The following FYB1 variants were observed in gnomAD, a reference collection of about 807,000 sequenced individuals.
The protein encoded by FYB1 is FYN-binding protein 1.
FYB1 carries 41 observed loss-of-function variants against 94.1 expected under a neutral mutation model. That is an observed-to-expected ratio of 0.44 (90% confidence interval 0.34 to 0.57). FYB1 has a LOEUF of 0.57. FYB1 is among the 20% of genes least tolerant of loss of function. FYB1 has a pLI of 0.02. For synonymous variants in FYB1, 367 were observed against 353.2 expected (o/e 1.04, Z -0.44); for missense variants, 1,050 against 976.8 (o/e 1.07, Z -1.00).
chr5:39,106,825 T>C lies in FYB1; in HGVS notation c.*618A>G, dbSNP rs1760404726. 1 of 152,100 alleles carries C rather than the reference T, an allele frequency of 6.6e-6. No homozygotes were observed. The highest frequency in any genetic ancestry group is 6.5e-5 in the Admixed American group (1 of 15,268). 9.4% of individuals were successfully genotyped at this position (152,100 alleles called of 1,614,324 possible). ...GCATACTAAATGCATAACATTCGTA[T>C]CAAATAATTAACATTTATATACAAT... is the stretch of plus-strand genomic sequence containing the variant. On this transcript the variant is annotated 3_prime_UTR_variant, in exon 19 of 19. Transcript: ENST00000512982.
intron 1 of FYB1, among the ~76,000 whole-genome samples, chr5:39,249,560 A>G (rs893869812): frequency 6.6e-6 from 1 of 150,900 alleles, no homozygotes; most frequent in Non-Finnish European, 1.5e-5. Context: ...CCATTCTAGT[A>G]GCAGAGAGGG....
intron 1 of FYB1, among the ~76,000 whole-genome samples, chr5:39,252,310 A>G (rs1751752977): frequency 6.6e-6 from 1 of 152,328 alleles, no homozygotes; most frequent in East Asian, 1.9e-4. Flanking sequence ...ATGTGAGCTA[A>G]TGTTTATGAA....
chr5:39,228,105 G>A (rs374131383), intron 1 of FYB1, among the ~76,000 whole-genome samples: 1 of 152,086 alleles, frequency 6.6e-6, no homozygotes, highest in Non-Finnish European at 1.5e-5. Context: ...TTTAACAAGA[G>A]CAATAATATT....
intron 7 of FYB1, among the ~76,000 whole-genome samples, chr5:39,136,062 T>C (rs774916867): frequency 1.1e-4 from 17 of 152,004 alleles, no homozygotes; most frequent in Non-Finnish European, 2.5e-4. Context: ...GAAAGTATAC[T>C]ATATAGATTT....
intron 16 of FYB1, among the ~76,000 whole-genome samples, chr5:39,112,591 G>A (rs927644312): frequency 6.6e-6 from 1 of 151,962 alleles, no homozygotes; most frequent in African/African-American, 2.4e-5. Context: ...ATTTGCTTAC[G>A]CTTTTAGGTA....
intron 16 of FYB1, among the ~76,000 whole-genome samples, chr5:39,112,444 A>G: frequency 6.6e-6 from 1 of 152,086 alleles, no homozygotes; most frequent in African/African-American, 2.4e-5. Context: ...ACAGTCTCTG[A>G]GCTAAAATTG....
Position 39,202,065 on chromosome 5 carries a change from A to C in FYB1, c.896T>G (p.Ile299Arg). 1.2e-6 allele frequency: 2 copies of C among 1,613,870 alleles called. No homozygotes were observed. Among genetic ancestry groups the C allele is most frequent in the Middle Eastern group, 3.3e-4 (2 of 6,062 alleles). Reference protein sequence around the residue: ...DAAKNTFQSKINQEELASGTP... With the variant: ...DAAKNTFQSKRNQEELASGTP... ...CCCTGAGGCCAACTCTTCCTGATTT[A>C]TTTTGCTCTGGAAGGTGTTCTTAGC... The change falls in exon 2 of 19, where the codon ATA (isoleucine) becomes AGA (arginine). Residue 299 changes from isoleucine (I) to arginine (R), a missense_variant. Ile to Arg is a moderately conservative substitution (Grantham distance 97). Transcript: ENST00000512982.
At chr5:39,169,596 G>A (rs1745060168) in intron 2 of FYB1, 2 of 466,774 alleles carry the variant, frequency 4.3e-6, no homozygotes, top group African/African-American at 2.0e-5. Context: ...TGTAATCCCA[G>A]CACTTTGGGA....
At chr5:39,263,843 G>A (rs768825869) in intron 1 of FYB1, among the ~76,000 whole-genome samples, 12 of 152,154 alleles carry the variant, frequency 7.9e-5, no homozygotes, top group Non-Finnish European at 1.2e-4. Flanking sequence ...GAGGATGCAC[G>A]TCACTTCAGA....
chr5:39,141,103 T>C lies in FYB1; in HGVS notation c.1331A>G (p.His444Arg). The C allele has an allele frequency of 1.3e-6, 2 of 1,588,144 alleles. No homozygotes were observed. The highest frequency in any genetic ancestry group is 1.7e-6 in the Non-Finnish European group (2 of 1,165,048). Residue 444 changes from histidine (H) to arginine (R), a missense_variant, in exon 4 of 19, where the codon CAC becomes CGC. Physicochemically the swap from His to Arg is conservative, Grantham distance 29. Coordinates refer to ENST00000512982, the MANE Select transcript of FYB1 (RefSeq NM_001465.6). The stretch of plus-strand genomic sequence containing the variant: ...ATGTTTTTGTCGTTTACCATCAGAG[T>C]GCGTGACACCATCTTGATTGTCTTC... Reference protein sequence around the residue: ...VNEDNQDGVTHSDGAGNLDEE... With the variant: ...VNEDNQDGVTRSDGAGNLDEE...
At chr5:39,125,212 C>T (rs890696446) in intron 12 of FYB1, among the ~76,000 whole-genome samples, 10 of 151,970 alleles carry the variant, frequency 6.6e-5, no homozygotes, top group African/African-American at 2.4e-4. Flanking sequence ...TTTTACAAGC[C>T]AATTGGGAAT....
At chr5:39,204,182 C>T (rs927460593) in intron 1 of FYB1, among the ~76,000 whole-genome samples, 1 of 152,182 alleles carries the variant, frequency 6.6e-6, no homozygotes, top group Non-Finnish European at 1.5e-5. Context: ...GACTCATGCA[C>T]ACTTCAGGTG....
chr5:39,167,954 G>A (rs1744889333), intron 2 of FYB1, among the ~76,000 whole-genome samples: 1 of 91,696 alleles, frequency 1.1e-5, no homozygotes, highest in Admixed American at 1.4e-4. Flanking sequence ...ATAAAGTTAT[G>A]ACAATTATAT....
At chr5:39,134,138 G>A in intron 9 of FYB1, 70 bp downstream of exon 9, 1 of 1,224,634 alleles carries the variant, frequency 8.2e-7, no homozygotes, top group Non-Finnish European at 1.1e-6. Flanking sequence ...TAAAATTCTA[G>A]GATCTTAATA....
rs1273493588 is a variant in FYB1, at chr5:39,219,562, G to A, written c.-147C>T. ...GCTCTGCATGTGGAACTCAAGAACT[G>A]CGGAGCTTTCTGATGCCTGGCAGGG... is the stretch of plus-strand genomic sequence containing the variant. On this transcript the variant is annotated 5_prime_UTR_variant, in exon 1 of 19. Transcript: ENST00000512982. 1 of 985,464 alleles carries A rather than the reference G, an allele frequency of 1.0e-6. No homozygotes were observed. Among genetic ancestry groups the A allele is most frequent in the Non-Finnish European group, 1.2e-6 (1 of 829,966 alleles). The allele number at this position is 985,464 out of a possible 1,614,324, so 61.0% of individuals were successfully genotyped here.
At chr5:39,121,183 C>CAAAAAAAAAAAAAA (rs56376626) in intron 14 of FYB1, among the ~76,000 whole-genome samples, 3 of 57,680 alleles carry the variant, frequency 5.2e-5, no homozygotes, top group African/African-American at 1.8e-4. Flanking sequence ...TAATGTAAAG[C>CAAAAAAAAAAAAAA]AAAAAAAAAA....
intron 1 of FYB1, among the ~76,000 whole-genome samples, chr5:39,239,254 G>A (rs1199300546): frequency 6.6e-6 from 1 of 152,018 alleles, no homozygotes; most frequent in Non-Finnish European, 1.5e-5. Flanking sequence ...ACCAGAACAA[G>A]AAAAGTATTT....
At chr5:39,246,177 A>C (rs2150599219) in intron 1 of FYB1, among the ~76,000 whole-genome samples, 1 of 152,198 alleles carries the variant, frequency 6.6e-6, no homozygotes, top group South Asian at 2.1e-4. Flanking sequence ...GAAAACCCTA[A>C]GGAAGTAGGG....
At chr5:39,147,881 C>T (rs1216021335) in intron 3 of FYB1, among the ~76,000 whole-genome samples, 2 of 150,736 alleles carry the variant, frequency 1.3e-5, no homozygotes, top group Admixed American at 6.6e-5. Flanking sequence ...GGGGTTTCAC[C>T]GTGTTAGTCA....
Sources: gnomAD v4.1 joint callset for allele counts (sites outside exome capture counted in the v4.1 genomes callset) on GRCh38, gnomAD v4.1.1 for gene constraint, MANE v1.5 for transcripts, NCBI Gene and HGNC (gene_info 2026-07-23, HGNC 2026-07-21) for gene names.